AIG1: variants seen among roughly 807,000 people sequenced by gnomAD.
AIG1 encodes androgen-induced gene 1 protein.
A neutral mutation model predicts 31.4 loss-of-function variants in AIG1; 23 were observed. The ratio of observed to expected loss-of-function variants is 0.73; its 90% CI spans 0.53 to 1.04. AIG1 has a LOEUF of 1.04. AIG1 is among the 50% of genes least tolerant of loss of function. AIG1 has a pLI of 0.00. For missense variants in AIG1, 274 were observed against 295.0 expected, an observed-to-expected ratio of 0.93 and a Z score of 0.52; for synonymous variants, 100 against 110.5, an observed-to-expected ratio of 0.90 and a Z score of 0.60.
Position 143,298,688 on chromosome 6 carries a change from G to A in AIG1, c.515+14463G>A, listed in dbSNP as rs1310875504. ...GAGGTGGGAGGATTGCTTGAGCCCA[G>A]GAATTTGAGGCTGTAGTATAGTATG... is the stretch of plus-strand genomic sequence containing the variant. On this transcript the variant is annotated intron_variant, in intron 4 of 5. Coordinates refer to ENST00000357847, the MANE Select transcript of AIG1 (RefSeq NM_016108.4). This position sits in a 1 kb window ranked among gnomAD's most constrained non-coding sequence, Gnocchi z 5.1. 1 of 152,320 alleles carries A rather than the reference G, an allele frequency of 6.6e-6. No individual in the cohort carries two copies. The highest frequency in any genetic ancestry group is 1.5e-5 in the Non-Finnish European group (1 of 68,180). The allele number at this position is 152,320 out of a possible 1,614,324, so 9.4% of individuals were successfully genotyped here.
intron 1 of AIG1, among the ~76,000 whole-genome samples, chr6:143,072,013 A>G (rs1290779658): frequency 6.6e-6 from 1 of 151,882 alleles, no homozygotes; most frequent in African/African-American, 2.4e-5. Flanking sequence ...GCTGGTCTCA[A>G]ACTCTTGGCC....
At chr6:143,318,711 A>G (rs189513561) in intron 4 of AIG1, among the ~76,000 whole-genome samples, 3 of 152,232 alleles carry the variant, frequency 2.0e-5, no homozygotes, top group Non-Finnish European at 4.4e-5. Context: ...GCGGGAGAAA[A>G]TCTTCACAAT....
intron 2 of AIG1, among the ~76,000 whole-genome samples, chr6:143,147,355 A>C (rs1784800207): frequency 6.6e-6 from 1 of 152,176 alleles, no homozygotes; most frequent in Non-Finnish European, 1.5e-5. Flanking sequence ...GACACAAAGG[A>C]GTGGCATGCC....
At chr6:143,343,083 CATG>C, downstream of AIG1, 1 of 777,678 alleles carries the variant, frequency 1.3e-6, no homozygotes, top group Non-Finnish European at 2.4e-6. Flanking sequence ...CTCGCGCCAT[CATG>C]ATGATCCTCG....
chr6:143,061,039 C>T lies in AIG1; in HGVS notation c.114C>T (p.Ser38=). 1.9e-6 allele frequency: 3 copies of T among 1,613,334 alleles called. No individual in the cohort carries two copies. The highest frequency in any genetic ancestry group is 2.5e-6 in the Non-Finnish European group (3 of 1,179,650). The part of the protein sequence containing the change: ...EMPSHQTYGG[S]WKFLTFIDLV... ...CCTCACACCAGACCTACGGAGGGAGCTGGAAATTCCTGACGTTCATTGATC... is the reference window on the plus strand; with the variant it reads ...CCTCACACCAGACCTACGGAGGGAGTTGGAAATTCCTGACGTTCATTGATC... Residue 38 remains serine (S), a synonymous_variant, in exon 1 of 6, where the codon AGC becomes AGT. Transcript: ENST00000357847.
At chr6:143,115,879 A>C (rs574292691) in intron 1 of AIG1, among the ~76,000 whole-genome samples, 19 of 152,324 alleles carry the variant, frequency 1.2e-4, no homozygotes, top group African/African-American at 4.6e-4. Context: ...GAGAGGGCAG[A>C]AATCCATGAC....
At chr6:143,236,946 C>T (rs1398142307) in intron 3 of AIG1, among the ~76,000 whole-genome samples, 4 of 152,070 alleles carry the variant, frequency 2.6e-5, no homozygotes, top group African/African-American at 9.7e-5. Flanking sequence ...CCATTTTATT[C>T]TCACAGAAAC....
intron 1 of AIG1, among the ~76,000 whole-genome samples, chr6:143,125,651 T>C (rs1782629282): frequency 6.6e-6 from 1 of 152,230 alleles, no homozygotes; most frequent in Non-Finnish European, 1.5e-5. Flanking sequence ...CCCTGCTGTG[T>C]GTTTATCCAG....
chr6:143,074,854 A>G (rs956194702), intron 1 of AIG1, among the ~76,000 whole-genome samples: 15 of 152,172 alleles, frequency 9.9e-5, no homozygotes, highest in African/African-American at 3.6e-4. Flanking sequence ...TGGCTTTGAT[A>G]TTAGGATATG....
At chr6:143,294,056 C>T (rs1425762639) in intron 4 of AIG1, among the ~76,000 whole-genome samples, 1 of 152,174 alleles carries the variant, frequency 6.6e-6, no homozygotes, top group Non-Finnish European at 1.5e-5. Context: ...CCCATCCTCT[C>T]TTCACCTCCT....
chr6:143,211,108 C>T (rs1791553917), intron 3 of AIG1, among the ~76,000 whole-genome samples: 1 of 152,120 alleles, frequency 6.6e-6, no homozygotes, highest in Non-Finnish European at 1.5e-5. Context: ...AGATATCCCT[C>T]TCTATATTGA....
intron 4 of AIG1, among the ~76,000 whole-genome samples, chr6:143,287,049 CT>C (rs1562558573): frequency 6.6e-6 from 1 of 151,954 alleles, no homozygotes; most frequent in Non-Finnish European, 1.5e-5. Flanking sequence ...CCATGTTTCT[CT>C]TTCCCCCAGC....
In AIG1 at chr6:143,200,924, C is replaced by T. The variant is rs569948876; in HGVS notation, c.399+35741C>T. 6.3e-5 allele frequency among the ~76,000 whole-genome samples: 7 copies of T among 110,270 alleles called. No homozygotes were observed. The South Asian group carries it at 1.1e-3, about 18-fold the overall frequency. 72.3% of individuals were successfully genotyped at this position (110,270 alleles called of 152,430 possible). A position where few individuals can be genotyped will look rare whatever the true frequency, so the allele number is the denominator to read the frequency against. On this transcript the variant is annotated intron_variant, in intron 3 of 5. Transcript: ENST00000357847. The stretch of plus-strand genomic sequence containing the variant: ...TATCTCATTTGAGTTCTAAACCTAC[C>T]GAGTATCTCGTGGATTTCCCATAGA...
chr6:143,079,740 C>G (rs1778042824), intron 1 of AIG1, among the ~76,000 whole-genome samples: 1 of 144,914 alleles, frequency 6.9e-6, no homozygotes, highest in Admixed American at 6.9e-5. Context: ...ATAAATAAAT[C>G]TTTACACACA....
chr6:143,162,908 C>T (rs747638087), intron 2 of AIG1, among the ~76,000 whole-genome samples: 8 of 151,996 alleles, frequency 5.3e-5, no homozygotes, highest in Non-Finnish European at 1.0e-4. Context: ...GTGCATGCTC[C>T]GCATAGGCAA....
intron 2 of AIG1, among the ~76,000 whole-genome samples, chr6:143,143,548 T>TATAC (rs1784463620): frequency 8.7e-6 from 1 of 115,108 alleles, no homozygotes; most frequent in Non-Finnish European, 1.7e-5. Context: ...TATATATATA[T>TATAC]ATATATACAC....
At chr6:143,316,293 C>T (rs141923835) in intron 4 of AIG1, among the ~76,000 whole-genome samples, 1 of 152,090 alleles carries the variant, frequency 6.6e-6, no homozygotes, top group African/African-American at 2.4e-5. Context: ...TACCACAGCA[C>T]AGTACCAAGA....
chr6:143,294,991 C>T (rs1039367810), intron 4 of AIG1, among the ~76,000 whole-genome samples: 1 of 152,148 alleles, frequency 6.6e-6, no homozygotes, highest in South Asian at 2.1e-4. Context: ...CATCCCATAC[C>T]TCTCTCCTGA....
At chr6:143,093,060 C>A (rs1228529880) in intron 1 of AIG1, among the ~76,000 whole-genome samples, 1 of 152,086 alleles carries the variant, frequency 6.6e-6, no homozygotes, top group Admixed American at 6.6e-5. Flanking sequence ...CTGAAAAAAA[C>A]AAAACAATCA....
Sources: gnomAD v4.1 joint callset for allele counts (sites outside exome capture counted in the v4.1 genomes callset) on GRCh38, gnomAD v4.1.1 for gene constraint, Gnocchi (gnomAD v3.1) non-coding constraint, MANE v1.5 for transcripts, NCBI Gene and HGNC (gene_info 2026-07-23, HGNC 2026-07-21) for gene names.